Variants in PIWIL3 observed in about 807,000 individuals in gnomAD.
PIWIL3 encodes the protein piwi-like protein 3.
Under a neutral mutation model 109.7 loss-of-function variants are expected in PIWIL3, and 101 were observed. The observed-to-expected ratio is 0.92, with a 90% confidence interval of 0.78 to 1.09. PIWIL3 has a LOEUF of 1.09. PIWIL3 is among the 50% of genes least tolerant of loss of function. PIWIL3 has a pLI of 0.00. For missense variants in PIWIL3, 1,031 were observed against 1,072.6 expected, an observed-to-expected ratio of 0.96 and a Z score of 0.54; for synonymous variants, 373 against 376.4, an observed-to-expected ratio of 0.99 and a Z score of 0.10.
Position 24,719,494 on chromosome 22 carries a change from G to T in PIWIL3, c.2600C>A (p.Ser867Ter). 1 of 1,594,366 alleles carries T rather than the reference G, an allele frequency of 6.3e-7. No individual in the cohort carries two copies. Among genetic ancestry groups the T allele is most frequent in the South Asian group, 1.1e-5 (1 of 87,070 alleles). ...SIHQEPNRSL[S>*]TRLFYL ...AGGTCAAAGGTAAAAGAGACGAGTTGACAAGGAACGATTCGGTTCCTGGTG... is the reference window on the plus strand; with the variant it reads ...AGGTCAAAGGTAAAAGAGACGAGTTTACAAGGAACGATTCGGTTCCTGGTG... Residue 867 changes from serine to a stop codon, truncating the protein, a stop_gained, in exon 21 of 21, where the codon TCA becomes TAA. Transcript: ENST00000616349. LOFTEE classifies it high-confidence loss of function.
chr22:24,749,453 G>T lies in PIWIL3; in HGVS notation c.1285C>A (p.Pro429Thr). ...TTTAATGTATGATGCCTTCTTCTTG[G>T]ACTCAATCTTGTATGTTTAGCCAAT... is the stretch of plus-strand genomic sequence containing the variant. ...KELAKHTRLSPRRRHHTLKEF... is the reference protein window; with the variant it reads ...KELAKHTRLSTRRRHHTLKEF... The change falls in exon 11 of 21, where the codon CCA (proline) becomes ACA (threonine). Residue 429 changes from proline (P) to threonine (T), a missense_variant. Physicochemically the swap from Pro to Thr is conservative, Grantham distance 38. Transcript: ENST00000616349. 6.2e-7 allele frequency: 1 copy of T among 1,613,698 alleles called. No individual in the cohort carries two copies. The highest frequency in any genetic ancestry group is 1.1e-5 in the South Asian group (1 of 91,072).
At chr22:24,723,010 A>T in intron 19 of PIWIL3, 120 bp downstream of exon 19, 4 of 1,173,110 alleles carry the variant, frequency 3.4e-6, no homozygotes, top group Non-Finnish European at 4.8e-6. Context: ...AAACAGACCA[A>T]ATTAGTTCTA....
At chr22:24,755,398 C>T (rs954630761) in intron 6 of PIWIL3, among the ~76,000 whole-genome samples, 5 of 152,356 alleles carry the variant, frequency 3.3e-5, no homozygotes, top group East Asian at 1.9e-4. Flanking sequence ...GCTGGGATTA[C>T]AGGCGTGAGC....
At chr22:24,759,808 G>A (rs1925305195) in intron 3 of PIWIL3, 61 bp downstream of exon 3, 1 of 1,610,272 alleles carries the variant, frequency 6.2e-7, no homozygotes, top group Admixed American at 1.7e-5. Context: ...TTCTACCGCT[G>A]TGGTAGCCCT....
chr22:24,759,117 C>T (rs1212454033), intron 3 of PIWIL3, among the ~76,000 whole-genome samples: 3 of 152,214 alleles, frequency 2.0e-5, no homozygotes, highest in African/African-American at 4.8e-5. Context: ...TGGTCTTGAA[C>T]TTCTGGCCTC....
intron 13 of PIWIL3, 30 bp from the exon 14 acceptor site, chr22:24,734,186 A>G (rs576445619): frequency 5.6e-6 from 9 of 1,603,370 alleles, no homozygotes; most frequent in South Asian, 1.1e-5. Context: ...TCCACATCCA[A>G]AAGATACCAA....
chr22:24,762,346 T>G, intron 2 of PIWIL3, 52 bp downstream of exon 2: 1 of 1,569,682 alleles, frequency 6.4e-7, no homozygotes, highest in Non-Finnish European at 8.6e-7. Context: ...TATGTTCTTT[T>G]CAGTACAGGC....
chr22:24,740,843 T>C (rs887260409), intron 12 of PIWIL3, among the ~76,000 whole-genome samples: 2 of 152,136 alleles, frequency 1.3e-5, no homozygotes, highest in Admixed American at 6.5e-5. Context: ...CAAAGAAGAA[T>C]TGGTGCCAAT....
intron 1 of PIWIL3, among the ~76,000 whole-genome samples, chr22:24,762,994 G>A (rs1485242309): frequency 6.6e-6 from 1 of 152,014 alleles, no homozygotes; most frequent in African/African-American, 2.4e-5. Flanking sequence ...ATAGCACCTG[G>A]TAATGTTTTT....
At chr22:24,744,488 G>A (rs138903802) in intron 12 of PIWIL3, among the ~76,000 whole-genome samples, 1,783 of 152,092 alleles carry the variant, frequency 0.012, 37 homozygotes, top group African/African-American at 0.041. Flanking sequence ...CAGGAGAATC[G>A]CTTGAACCCG....
intron 19 of PIWIL3, among the ~76,000 whole-genome samples, chr22:24,722,295 G>C (rs1377199230): frequency 2.0e-5 from 3 of 152,124 alleles, no homozygotes; most frequent in Non-Finnish European, 4.4e-5. Context: ...TGTTAGCCAG[G>C]ATGGTCTCTA....
At chr22:24,755,927 A>C (rs1268239523) in intron 5 of PIWIL3, 22 bp from the exon 6 acceptor site, 3 of 1,597,594 alleles carry the variant, frequency 1.9e-6, no homozygotes, top group Non-Finnish European at 2.6e-6. Context: ...AAAAAACAAA[A>C]AAAAAAGTCC....
At position 24,756,567 on chromosome 22, in the gene PIWIL3, T is replaced by C; in HGVS notation, c.494A>G (p.Gln165Arg). 1 of 1,614,182 alleles carries C rather than the reference T, an allele frequency of 6.2e-7. No individual in the cohort carries two copies. The highest frequency in any genetic ancestry group is 8.5e-7 in the Non-Finnish European group (1 of 1,180,014). ...DGNLRTILLDQHRRKFGERHI... is the reference protein window; with the variant it reads ...DGNLRTILLDRHRRKFGERHI... ...GCGCTCTCCAAATTTCCTTCTATGTTGATCAAGTAAAATTGTACGGAGATT... is the reference window on the plus strand; with the variant it reads ...GCGCTCTCCAAATTTCCTTCTATGTCGATCAAGTAAAATTGTACGGAGATT... The change falls in exon 5 of 21, where the codon CAA (glutamine) becomes CGA (arginine). Residue 165 changes from glutamine (Q) to arginine (R), a missense_variant. Transcript: ENST00000616349.
At position 24,754,816 on chromosome 22, in the gene PIWIL3, G is replaced by T; in HGVS notation, c.741C>A (p.Thr247=). 1 of 1,612,068 alleles carries T rather than the reference G, an allele frequency of 6.2e-7. No homozygotes were observed. Among genetic ancestry groups the T allele is most frequent in the Non-Finnish European group, 8.5e-7 (1 of 1,178,406 alleles). The change falls in exon 7 of 21, where the codon ACC becomes ACA. Residue 247 remains threonine, a synonymous_variant. Transcript: ENST00000616349. ...GGTATAACTGAATGGCCTTCTTTTT[G>T]GTATAATAGTTGCGACCAACTTGTT... The part of the protein sequence containing the change: ...DFEQVGRNYY[T]KKKAIQLYRH...
At chr22:24,733,681 A>AAAAC (rs765052764) in intron 14 of PIWIL3, among the ~76,000 whole-genome samples, 23 of 145,152 alleles carry the variant, frequency 1.6e-4, no homozygotes, top group Admixed American at 1.2e-3. Flanking sequence ...CTCCATCTCA[A>AAAAC]AAACAAACAA....
In PIWIL3 at chr22:24,751,497, A is replaced by G; in HGVS notation, c.979T>C (p.Tyr327His). Residue 327 changes from tyrosine (Y) to histidine (H), a missense_variant and splice_region_variant, in exon 9 of 21, where the codon TAC (tyrosine) becomes CAC (histidine). Tyr to His is a moderately conservative substitution (Grantham distance 83). Coordinates refer to ENST00000616349, the MANE Select transcript of PIWIL3 (RefSeq NM_001255975.1). Reference protein sequence around the residue: ...KLIGSIVLTKYNNKTYRVDDI... With the variant: ...KLIGSIVLTKHNNKTYRVDDI... ...TCTACTCTGTAGGTTTTGTTGTTGT[A>G]TCTGTGGAATAATTACAATATGGTA... is the stretch of plus-strand genomic sequence containing the variant. 6.2e-7 allele frequency: 1 copy of G among 1,608,438 alleles called. No homozygotes were observed. The highest frequency in any genetic ancestry group is 8.5e-7 in the Non-Finnish European group (1 of 1,178,662).
In PIWIL3 at chr22:24,751,415, T is replaced by C. The variant is rs1173248980; in HGVS notation, c.1061A>G (p.Lys354Arg). ...EDTFNKSDGSKITYIDYYRQQ... is the reference protein window; with the variant it reads ...EDTFNKSDGSRITYIDYYRQQ... ...CCTGTAGTAGTCTATATAGGTGATT[T>C]TGCTGCCATCTGATTTGTTAAATGT... is the stretch of plus-strand genomic sequence containing the variant. The change falls in exon 9 of 21, where the codon AAA becomes AGA. Residue 354 changes from lysine (K) to arginine (R), a missense_variant. Coordinates refer to ENST00000616349, the MANE Select transcript of PIWIL3 (RefSeq NM_001255975.1). The C allele has an allele frequency of 3.1e-6, 5 of 1,614,024 alleles. No individual in the cohort carries two copies. Among genetic ancestry groups the C allele is most frequent in the Admixed American group, 1.7e-5 (1 of 60,008 alleles).
intron 14 of PIWIL3, among the ~76,000 whole-genome samples, chr22:24,733,018 T>C (rs1264032853): frequency 6.6e-6 from 1 of 151,992 alleles, no homozygotes; most frequent in Non-Finnish European, 1.5e-5. Context: ...AAAACAATAC[T>C]CAAGTAACAG....
chr22:24,732,574 A>G (rs1347653135), intron 14 of PIWIL3, among the ~76,000 whole-genome samples: 2 of 152,224 alleles, frequency 1.3e-5, no homozygotes, highest in African/African-American at 4.8e-5. Context: ...CTGTAATCCC[A>G]GCACTTTGGG....
Sources: allele counts gnomAD v4.1 joint callset (sites outside exome capture counted in the v4.1 genomes callset), GRCh38; gene constraint gnomAD v4.1.1; transcripts MANE v1.5; gene names NCBI Gene and HGNC (gene_info 2026-07-23, HGNC 2026-07-21).